MALRD1: variants seen among roughly 807,000 people sequenced by gnomAD.
The protein encoded by MALRD1 is MAM and LDL-receptor class A domain-containing protein 1.
MALRD1 carries 247 observed loss-of-function variants against 242.1 expected under a neutral mutation model. The observed-to-expected ratio is 1.02, with a 90% CI of 0.92 to 1.13. MALRD1 has a LOEUF of 1.13. Among genes scored for constraint, MALRD1 ranks in the 50% most tolerant of loss-of-function variants. MALRD1 has a pLI of 0.00. For missense variants in MALRD1, 2,989 were observed against 2,533.1 expected, an observed-to-expected ratio of 1.18 and a Z score of -3.86; for synonymous variants, 995 against 866.6, an observed-to-expected ratio of 1.15 and a Z score of -2.60.
intron 31 of MALRD1, among the ~76,000 whole-genome samples, chr10:19,527,668 C>T (rs926483084): frequency 1.3e-5 from 2 of 152,118 alleles, no homozygotes; most frequent in South Asian, 4.1e-4. Context: ...CTTATACAAA[C>T]ATATTAGTTA....
At chr10:19,192,369 G>GA (rs1384290322) in intron 14 of MALRD1, among the ~76,000 whole-genome samples, 1 of 152,138 alleles carries the variant, frequency 6.6e-6, no homozygotes, top group Non-Finnish European at 1.5e-5. Context: ...TCACAATAAA[G>GA]AAAAAGTAGG....
chr10:19,187,481 A>T (rs543162780), intron 14 of MALRD1, among the ~76,000 whole-genome samples: 9 of 152,212 alleles, frequency 5.9e-5, no homozygotes, highest in African/African-American at 1.9e-4. Flanking sequence ...GAAAGAAGGA[A>T]CTAAGGGATT....
At chr10:19,519,100 T>TA (rs960883619) in intron 31 of MALRD1, among the ~76,000 whole-genome samples, 3 of 152,170 alleles carry the variant, frequency 2.0e-5, no homozygotes, top group Non-Finnish European at 4.4e-5. Flanking sequence ...TACCATTACT[T>TA]AAAAAAATGT....
Position 19,185,309 on chromosome 10 carries a change from G to A in MALRD1, c.1951+9981G>A, listed in dbSNP as rs56207941. Among the ~76,000 whole-genome samples, 1,029 of 152,172 alleles carry A rather than the reference G, an allele frequency of 6.8e-3. 18 individuals are homozygous for A. Among genetic ancestry groups the A allele is most frequent in the African/African-American group, 0.024 (987 of 41,532 alleles). The stretch of plus-strand genomic sequence containing the variant: ...AATATTTCCAAACAACATTTAGTGA[G>A]CACTATAATTTATTTCTGTCTAAAA... On this transcript the variant is annotated intron_variant, in intron 14 of 39. Coordinates refer to ENST00000454679, the MANE Select transcript of MALRD1 (RefSeq NM_001142308.3).
chr10:19,212,883 A>G (rs746278076), intron 18 of MALRD1, among the ~76,000 whole-genome samples: 2 of 152,014 alleles, frequency 1.3e-5, no homozygotes, highest in Admixed American at 6.6e-5. Flanking sequence ...ACAAATGTCT[A>G]CTTTGAAATG....
At chr10:19,512,648 A>G (rs1833457324) in intron 31 of MALRD1, among the ~76,000 whole-genome samples, 1 of 152,228 alleles carries the variant, frequency 6.6e-6, no homozygotes, top group Admixed American at 6.5e-5. Flanking sequence ...ACAAGAACAC[A>G]TTGATATCCC....
chr10:19,437,687 G>A (rs920839425), intron 28 of MALRD1, among the ~76,000 whole-genome samples: 3 of 151,980 alleles, frequency 2.0e-5, no homozygotes, highest in Non-Finnish European at 4.4e-5. Context: ...AACAACTAAT[G>A]TTATATACTA....
intron 18 of MALRD1, among the ~76,000 whole-genome samples, chr10:19,215,127 C>A (rs769501520): frequency 9.2e-5 from 14 of 152,140 alleles, no homozygotes; most frequent in Non-Finnish European, 1.5e-4. Context: ...GTTTTGCCCT[C>A]AGGATCATAC....
chr10:19,341,164 A>G (rs748605349), intron 24 of MALRD1, among the ~76,000 whole-genome samples: 7 of 151,944 alleles, frequency 4.6e-5, no homozygotes, highest in Non-Finnish European at 1.0e-4. Flanking sequence ...CTCTGTTTTT[A>G]TGAATTGAAT....
chr10:19,316,516 A>G (rs765266726), intron 21 of MALRD1, among the ~76,000 whole-genome samples: 1 of 151,808 alleles, frequency 6.6e-6, no homozygotes, highest in Non-Finnish European at 1.5e-5. Context: ...CCACACCAGA[A>G]CTCTGATTGG....
intron 36 of MALRD1, among the ~76,000 whole-genome samples, chr10:19,634,043 G>T (rs970253695): frequency 2.0e-5 from 3 of 151,858 alleles, no homozygotes; most frequent in Admixed American, 2.0e-4. Flanking sequence ...GTTTTGCCAT[G>T]TTGGCTAGGC....
intron 26 of MALRD1, among the ~76,000 whole-genome samples, chr10:19,359,053 C>T (rs1844771910): frequency 1.3e-5 from 2 of 152,240 alleles, no homozygotes; most frequent in South Asian, 4.1e-4. Flanking sequence ...ATGACGGCTA[C>T]TGATGGACAA....
chr10:19,061,917 A>G (rs1170187683), intron 1 of MALRD1, among the ~76,000 whole-genome samples: 1 of 152,208 alleles, frequency 6.6e-6, no homozygotes, highest in Non-Finnish European at 1.5e-5. Flanking sequence ...AACAAAACAG[A>G]TACATTGACT....
chr10:19,153,979 A>C (rs1023666720), intron 11 of MALRD1, among the ~76,000 whole-genome samples: 1 of 152,028 alleles, frequency 6.6e-6, no homozygotes, highest in African/African-American at 2.4e-5. Context: ...TATTCATTTG[A>C]ATTTTACCTA....
chr10:19,616,456 G>T (rs907291609), intron 36 of MALRD1, among the ~76,000 whole-genome samples: 1 of 151,990 alleles, frequency 6.6e-6, no homozygotes, highest in African/African-American at 2.4e-5. Context: ...TTTCTTTGGG[G>T]AAATATTTAT....
chr10:19,325,014 T>A (rs934842592), intron 22 of MALRD1, among the ~76,000 whole-genome samples: 9 of 148,772 alleles, frequency 6.0e-5, no homozygotes, highest in African/African-American at 2.2e-4. Context: ...TGCTTTTTTT[T>A]TTTTTTTTTT....
chr10:19,389,396 A>G, intron 27 of MALRD1, 56 bp from the exon 28 acceptor site: 1 of 1,513,060 alleles, frequency 6.6e-7, no homozygotes. Context: ...TGGAAATGCA[A>G]AAATAATCCC....
At chr10:19,080,752 G>A (rs760010751) in intron 2 of MALRD1, among the ~76,000 whole-genome samples, 1 of 151,764 alleles carries the variant, frequency 6.6e-6, no homozygotes, top group Non-Finnish European at 1.5e-5. Context: ...AGCACCAAAA[G>A]CAAAAAATGA....
At chr10:19,408,930 G>T (rs1833153837) in intron 28 of MALRD1, among the ~76,000 whole-genome samples, 3 of 152,196 alleles carry the variant, frequency 2.0e-5, no homozygotes. Flanking sequence ...TAATCCAGCA[G>T]TTGCACTGAT....
Sources: gnomAD v4.1 joint callset for allele counts (sites outside exome capture counted in the v4.1 genomes callset) on GRCh38, gnomAD v4.1.1 for gene constraint, MANE v1.5 for transcripts, NCBI Gene and HGNC (gene_info 2026-07-23, HGNC 2026-07-21) for gene names.